Variants in CACNA2D1 observed in about 807,000 individuals in gnomAD.
CACNA2D1 encodes the protein calcium voltage-gated channel auxiliary subunit alpha2delta 1, also known as voltage-dependent calcium channel subunit alpha-2/delta-1.
A neutral mutation model predicts 171.5 loss-of-function variants in CACNA2D1; 53 were observed. That is an observed-to-expected ratio of 0.31 (90% CI 0.25 to 0.39). CACNA2D1 has a LOEUF of 0.39. Ranked by LOEUF, CACNA2D1 falls within the 10% of genes least tolerant of loss-of-function variation. CACNA2D1 has a pLI of 1.00. For synonymous variants in CACNA2D1, 442 were observed against 443.1 expected, an observed-to-expected ratio of 1.00 and a Z score of 0.03; for missense variants, 903 against 1,299.8, an observed-to-expected ratio of 0.69 and a Z score of 4.69.
intron 3 of CACNA2D1, among the ~76,000 whole-genome samples, chr7:82,314,606 T>C (rs889112321): frequency 2.0e-5 from 3 of 152,196 alleles, no homozygotes; most frequent in African/African-American, 4.8e-5. Flanking sequence ...AACGTTTGCA[T>C]GCCACCTTTT....
At chr7:82,417,529 A>G (rs1194513535) in intron 1 of CACNA2D1, among the ~76,000 whole-genome samples, 1 of 152,234 alleles carries the variant, frequency 6.6e-6, no homozygotes, top group Non-Finnish European at 1.5e-5. Flanking sequence ...GATTATGAGA[A>G]TCAGCCAGAA....
At position 82,084,755 on chromosome 7, in the gene CACNA2D1, C is replaced by G. The variant is rs1383528342; in HGVS notation, c.658+14G>C. ...GGCTGGAACTTGACAATGATTGAAT[C>G]ACTAAGCACCTACCTGGATAATATC... is the stretch of plus-strand genomic sequence containing the variant. On this transcript the variant is annotated intron_variant, in intron 7 of 38. Coordinates refer to ENST00000356860, the MANE Select transcript of CACNA2D1 (RefSeq NM_000722.4). The G allele has an allele frequency of 6.2e-7, 1 of 1,613,764 alleles. No individual in the cohort carries two copies. The highest frequency in any genetic ancestry group is 2.2e-5 in the East Asian group (1 of 44,868).
intron 21 of CACNA2D1, among the ~76,000 whole-genome samples, chr7:81,985,439 A>G (rs1325065645): frequency 6.6e-6 from 1 of 152,016 alleles, no homozygotes; most frequent in Non-Finnish European, 1.5e-5. Flanking sequence ...AGACTCCCAA[A>G]GTGCTGGTGT....
chr7:82,281,552 A>C (rs1282277760), intron 3 of CACNA2D1, among the ~76,000 whole-genome samples: 1 of 152,232 alleles, frequency 6.6e-6, no homozygotes, highest in African/African-American at 2.4e-5. Context: ...AAAAAGCAAC[A>C]TTATGCCAAA....
intron 6 of CACNA2D1, among the ~76,000 whole-genome samples, chr7:82,089,830 T>C (rs934082544): frequency 5.3e-5 from 8 of 152,148 alleles, no homozygotes; most frequent in Admixed American, 6.5e-5. Flanking sequence ...TGTTGCACTA[T>C]TGCTCCCTCT....
rs1405070008 is a variant in CACNA2D1, at chr7:82,284,098, G to A, written c.294+51037C>T. ...TAGTCCCAGATACTAGAGAGGCTGA[G>A]GCAGGAAGATCACTTGAGGCAGGAG... On this transcript the variant is annotated intron_variant, in intron 3 of 38. Transcript: ENST00000356860. Among the ~76,000 whole-genome samples, 7 of 151,676 alleles carry A rather than the reference G, an allele frequency of 4.6e-5. No homozygotes were observed. The East Asian group carries it at 1.4e-3, about 29-fold the overall frequency.
intron 1 of CACNA2D1, among the ~76,000 whole-genome samples, chr7:82,365,998 T>C (rs1821656404): frequency 6.6e-6 from 1 of 152,134 alleles, no homozygotes. Flanking sequence ...AGCCAGTGAA[T>C]GGAGAAACGT....
chr7:81,976,708 G>T (rs1318985965), intron 24 of CACNA2D1, among the ~76,000 whole-genome samples: 2 of 152,132 alleles, frequency 1.3e-5, no homozygotes, highest in African/African-American at 4.8e-5. Flanking sequence ...CAAAAAATTA[G>T]CCAGGCATGG....
At chr7:82,441,692 C>T (rs926294089) in intron 1 of CACNA2D1, among the ~76,000 whole-genome samples, 3 of 151,874 alleles carry the variant, frequency 2.0e-5, no homozygotes, top group Non-Finnish European at 2.9e-5. Flanking sequence ...ATGATGTATC[C>T]CCTCCCATGA....
intron 3 of CACNA2D1, among the ~76,000 whole-genome samples, chr7:82,257,078 G>A (rs1291836999): frequency 6.6e-6 from 1 of 152,104 alleles, no homozygotes; most frequent in Non-Finnish European, 1.5e-5. Context: ...TACTATCCAG[G>A]TTTTGCTACA....
intron 3 of CACNA2D1, among the ~76,000 whole-genome samples, chr7:82,199,802 C>CA (rs1799225878): frequency 6.6e-6 from 1 of 151,644 alleles, no homozygotes; most frequent in South Asian, 2.1e-4. Flanking sequence ...TTTATAATAC[C>CA]AAAAAAATGA....
intron 1 of CACNA2D1, among the ~76,000 whole-genome samples, chr7:82,390,693 T>C (rs1003380648): frequency 1.3e-5 from 2 of 152,174 alleles, no homozygotes; most frequent in East Asian, 3.9e-4. Flanking sequence ...ACTCATGTGA[T>C]ATATTTTTTC....
intron 3 of CACNA2D1, among the ~76,000 whole-genome samples, chr7:82,260,874 T>C (rs1470775597): frequency 6.6e-6 from 1 of 152,198 alleles, no homozygotes; most frequent in Non-Finnish European, 1.5e-5. Flanking sequence ...TTGCCATATC[T>C]TTTATATATC....
chr7:82,410,142 TC>T (rs1692457206), intron 1 of CACNA2D1, among the ~76,000 whole-genome samples: 1 of 152,224 alleles, frequency 6.6e-6, no homozygotes, highest in South Asian at 2.1e-4. Context: ...CTTACTTTTC[TC>T]CTGAGTAGCA....
chr7:82,031,944 G>C (rs904940366), intron 12 of CACNA2D1, among the ~76,000 whole-genome samples: 1 of 151,876 alleles, frequency 6.6e-6, no homozygotes, highest in Non-Finnish European at 1.5e-5. Context: ...AGAAATTTTT[G>C]AAACACCAGA....
chr7:82,134,093 G>T (rs1791332220), intron 5 of CACNA2D1, among the ~76,000 whole-genome samples: 1 of 151,690 alleles, frequency 6.6e-6, no homozygotes, highest in African/African-American at 2.4e-5. Context: ...AAAGAATTAT[G>T]CAAATAAGTA....
intron 3 of CACNA2D1, among the ~76,000 whole-genome samples, chr7:82,302,392 A>G (rs1029096754): frequency 1.1e-4 from 17 of 150,514 alleles, no homozygotes; most frequent in Non-Finnish European, 1.8e-4. Context: ...ACAAATCCTC[A>G]TCTCCATGAT....
intron 3 of CACNA2D1, among the ~76,000 whole-genome samples, chr7:82,258,812 C>CTTTTCTTTT (rs1806640680): frequency 1.6e-5 from 1 of 64,102 alleles, no homozygotes; most frequent in African/African-American, 6.6e-5. Flanking sequence ...TTCTTTCTTA[C>CTTTTCTTTT]TTTTCTTTTT....
intron 10 of CACNA2D1, among the ~76,000 whole-genome samples, chr7:82,040,590 A>C (rs79116315): frequency 6.6e-6 from 1 of 152,104 alleles, no homozygotes; most frequent in African/African-American, 2.4e-5. Context: ...TGGAAACAGG[A>C]GAGAAATCAG....
Sources: gnomAD v4.1 joint callset for allele counts (sites outside exome capture counted in the v4.1 genomes callset) on GRCh38, gnomAD v4.1.1 for gene constraint, MANE v1.5 for transcripts, NCBI Gene and HGNC (gene_info 2026-07-23, HGNC 2026-07-21) for gene names.